STAU1: variants seen among roughly 807,000 people sequenced by gnomAD.
The protein encoded by STAU1 is double-stranded RNA-binding protein Staufen homolog 1.
STAU1 carries 13 observed loss-of-function variants against 62.9 expected under a neutral mutation model. The ratio of observed to expected loss-of-function variants is 0.21; its 90% confidence interval spans 0.13 to 0.33. The LOEUF (loss-of-function observed/expected upper bound fraction) is 0.33, where lower values mean the gene tolerates loss of function less well. Ranked by LOEUF, STAU1 falls within the 10% of genes least tolerant of loss-of-function variation. The pLI is 1.00. For missense variants in STAU1, 571 were observed against 712.1 expected, an observed-to-expected ratio of 0.80 and a Z score of 2.25; for synonymous variants, 269 against 265.1, an observed-to-expected ratio of 1.01 and a Z score of -0.14.
chr20:49,128,368 T>G (rs2092678464), intron 6 of STAU1, among the ~76,000 whole-genome samples: 1 of 152,078 alleles, frequency 6.6e-6, no homozygotes, highest in Non-Finnish European at 1.5e-5. Flanking sequence ...ATATACATAT[T>G]TCCTAGCTCT....
intron 6 of STAU1, chr20:49,134,560 AT>A (rs1186283480): frequency 7.7e-7 from 1 of 1,298,536 alleles, no homozygotes. Flanking sequence ...TCAGAAGTCA[AT>A]TCAAAGGACC....
In STAU1 at chr20:49,115,815, T is replaced by A. The variant is rs1247585849; in HGVS notation, c.1685A>T (p.Glu562Val). The A allele has an allele frequency of 6.2e-7, 1 of 1,614,136 alleles. No homozygotes were observed. The highest frequency in any genetic ancestry group is 1.1e-5 in the South Asian group (1 of 91,078). ...TGGTCCGTTTCCTGTTCTTGGCATC[T>A]CTGTACTTTGTTGGTCCAACTCAGA... ...LLSELDQQST[E>V]MPRTGNGPMS... Residue 562 changes from glutamate to valine, a missense_variant, in exon 13 of 14, where the codon GAG becomes GTG. Glu to Val is a moderately radical substitution (Grantham distance 121). Around this residue, in one of 3 missense-constraint regions of STAU1, gnomAD observed 156 missense variants for 194.7 expected, o/e 0.80. Coordinates refer to ENST00000371856, the MANE Select transcript of STAU1 (RefSeq NM_017453.4).
intron 2 of STAU1, among the ~76,000 whole-genome samples, chr20:49,169,694 T>C (rs1266443109): frequency 6.6e-6 from 1 of 152,154 alleles, no homozygotes; most frequent in African/African-American, 2.4e-5. Flanking sequence ...AAAACACCTC[T>C]TACTGTGAAT....
At chr20:49,129,280 A>AATTTT (rs1491390171) in intron 6 of STAU1, among the ~76,000 whole-genome samples, 4 of 87,926 alleles carry the variant, frequency 4.5e-5, no homozygotes, top group African/African-American at 1.9e-4. Context: ...TTAAAAAAAA[A>AATTTT]TTTTTTTTTT....
the STAU1 span, among the ~76,000 whole-genome samples, chr20:49,216,048 GA>G: frequency 8.7e-6 from 1 of 114,960 alleles, no homozygotes; most frequent in African/African-American, 3.2e-5. Context: ...AGAAGAAGAA[GA>G]AAAAAAAAGA....
At chr20:49,193,291 C>A (rs1339293666), upstream of STAU1, among the ~76,000 whole-genome samples, 2 of 152,006 alleles carry the variant, frequency 1.3e-5, no homozygotes, top group Admixed American at 6.6e-5. Context: ...GCACGAGAAT[C>A]GCTTGAACCC....
intron 3 of STAU1, among the ~76,000 whole-genome samples, chr20:49,157,206 A>G (rs1349270410): frequency 6.6e-6 from 1 of 152,130 alleles, no homozygotes; most frequent in East Asian, 1.9e-4. Context: ...ACTTCTCATG[A>G]AAGATATTTT....
At chr20:49,210,058 T>A in the STAU1 span, among the ~76,000 whole-genome samples, 1,060 of 130,406 alleles carry the variant, frequency 8.1e-3, 8 homozygotes, top group Non-Finnish European at 0.013. Context: ...CAAAAAAAAA[T>A]AATAATAATA....
chr20:49,216,986 A>G, the STAU1 span, among the ~76,000 whole-genome samples: 1 of 152,146 alleles, frequency 6.6e-6, no homozygotes, highest in East Asian at 1.9e-4. Context: ...ATTGCAACCC[A>G]CGGGGCACAG....
chr20:49,114,133 T>C lies in STAU1; in HGVS notation c.*745A>G, dbSNP rs1306636286. On this transcript the variant is annotated 3_prime_UTR_variant, in exon 14 of 14. Transcript: ENST00000371856. ...TGGGTTAGTCAATGAAATAAAAATG[T>C]CTAACCACATACACATGGATATGAT... 2.6e-5 allele frequency: 4 copies of C among 152,582 alleles called. No individual in the cohort carries two copies. The highest frequency in any genetic ancestry group is 5.9e-5 in the Non-Finnish European group (4 of 68,034). The allele number at this position is 152,582 out of a possible 1,614,324, so 9.5% of individuals were successfully genotyped here. A position where few individuals can be genotyped will look rare whatever the true frequency, so the allele number is the denominator to read the frequency against.
At chr20:49,158,859 C>T (rs550122570) in intron 3 of STAU1, 10 of 1,011,740 alleles carry the variant, frequency 9.9e-6, no homozygotes, top group Middle Eastern at 3.9e-4. Flanking sequence ...CAGCAGATCG[C>T]GCCACTGCAC....
intron 5 of STAU1, among the ~76,000 whole-genome samples, chr20:49,147,318 G>GTC (rs1223581289): frequency 6.6e-6 from 1 of 152,186 alleles, no homozygotes; most frequent in Non-Finnish European, 1.5e-5. Context: ...TCAACTCAGG[G>GTC]TCTAGCACAG....
chr20:49,218,286 A>C, the STAU1 span, among the ~76,000 whole-genome samples: 144,020 of 148,556 alleles, frequency 0.97, 69,958 homozygotes, highest in Non-Finnish European at 1. Context: ...GTGCAGTGGC[A>C]CGATCTCGGC....
chr20:49,134,706 C>T, intron 6 of STAU1: 1 of 1,076,128 alleles, frequency 9.3e-7, no homozygotes, highest in Non-Finnish European at 1.4e-6. Flanking sequence ...CTCTACATTT[C>T]TGAATGTCTG....
intron 1 of STAU1, among the ~76,000 whole-genome samples, chr20:49,181,486 C>G (rs1600890359): frequency 6.6e-6 from 1 of 152,072 alleles, no homozygotes; most frequent in African/African-American, 2.4e-5. Context: ...GGGGCAAGGC[C>G]GGGAACAGTG....
At position 49,120,172 on chromosome 20, in the gene STAU1, G is replaced by C. The variant is rs2295713; in HGVS notation, c.967-44C>G. ...ACACAGACCAGTGCTTAAACCTTCA[G>C]AATAACAACCAGGCAGGAATTGGTG... On this transcript the variant is annotated intron_variant, in intron 8 of 13. Transcript: ENST00000371856. 5.0e-4 allele frequency: 787 copies of C among 1,569,760 alleles called. 18 individuals carry two copies. In the East Asian group the frequency reaches 0.018, roughly 36 times the overall value.
chr20:49,125,700 T>C (rs2145907020), intron 6 of STAU1, among the ~76,000 whole-genome samples: 1 of 151,814 alleles, frequency 6.6e-6, no homozygotes, highest in East Asian at 1.9e-4. Flanking sequence ...CAAAAAAAAT[T>C]AGCCGGGCGT....
At chr20:49,130,172 G>C (rs2092721187) in intron 6 of STAU1, among the ~76,000 whole-genome samples, 1 of 152,088 alleles carries the variant, frequency 6.6e-6, no homozygotes, top group Non-Finnish European at 1.5e-5. Flanking sequence ...ACAACAGCAT[G>C]AATAATGACT....
Position 49,177,036 on chromosome 20 carries a change from C to T in STAU1, c.-159-2767G>A, listed in dbSNP as rs1165377244. Among the ~76,000 whole-genome samples, 14 of 151,914 alleles carry T rather than the reference C, an allele frequency of 9.2e-5. No individual in the cohort carries two copies. The East Asian group carries it at 1.8e-3, about 19-fold the overall frequency. ...AAGCGATTCTCCTGCCTCAGCCTCCCGAGTAGCTGGGATTACAGGTGCATG... is the reference window on the plus strand; with the variant it reads ...AAGCGATTCTCCTGCCTCAGCCTCCTGAGTAGCTGGGATTACAGGTGCATG... On this transcript the variant is annotated intron_variant, in intron 1 of 13. Coordinates refer to ENST00000371856, the MANE Select transcript of STAU1 (RefSeq NM_017453.4).
Sources: allele counts gnomAD v4.1 joint callset (sites outside exome capture counted in the v4.1 genomes callset), GRCh38; gene constraint gnomAD v4.1.1; regional missense constraint gnomAD v4.1.1; transcripts MANE v1.5; gene names NCBI Gene and HGNC (gene_info 2026-07-23, HGNC 2026-07-21).